Variants in KCNJ12 observed in about 807,000 individuals in gnomAD.
KCNJ12 encodes ATP-sensitive inward rectifier potassium channel 12.
KCNJ12 carries 2 observed loss-of-function variants against 22.3 expected under a neutral mutation model. That is an observed-to-expected ratio of 0.09 (90% CI 0.04 to 0.28). KCNJ12 has a LOEUF of 0.28. Among genes scored for constraint, KCNJ12 ranks in the 10% least tolerant of loss-of-function variants. KCNJ12 has a pLI of 1.00. For missense variants in KCNJ12, 155 were observed against 633.3 expected, an observed-to-expected ratio of 0.24 and a Z score of 8.11; for synonymous variants, 117 against 261.4, an observed-to-expected ratio of 0.45 and a Z score of 5.33.
chr17:21,377,211 C>A (rs1462794789), intron 1 of KCNJ12, among the ~76,000 whole-genome samples: 1 of 152,016 alleles, frequency 6.6e-6, no homozygotes, highest in Non-Finnish European at 1.5e-5. Flanking sequence ...CTTTGAGGAG[C>A]CCTCGGCCCC....
intron 1 of KCNJ12, among the ~76,000 whole-genome samples, chr17:21,395,424 G>A (rs1905323677): frequency 6.6e-6 from 1 of 150,798 alleles, no homozygotes; most frequent in Non-Finnish European, 1.5e-5. Flanking sequence ...GCAAAACCTC[G>A]TCTCTACTAA....
intron 2 of KCNJ12, among the ~76,000 whole-genome samples, 182 bp downstream of exon 2, chr17:21,408,822 C>T (rs868963569): frequency 7.2e-5 from 11 of 152,330 alleles, no homozygotes; most frequent in Non-Finnish European, 1.0e-4. Context: ...TCCATCCCCT[C>T]GCCCATGCCA....
intron 1 of KCNJ12, among the ~76,000 whole-genome samples, chr17:21,379,958 C>T (rs1597550429): frequency 6.6e-6 from 1 of 152,156 alleles, no homozygotes; most frequent in East Asian, 1.9e-4. Flanking sequence ...ATTGTGCAGA[C>T]AGGGATTGGA....
rs1240665777 is a variant in KCNJ12, at chr17:21,418,202, C to A, written c.*1558C>A. On this transcript the variant is annotated 3_prime_UTR_variant, in exon 3 of 3. Coordinates refer to ENST00000583088, the MANE Select transcript of KCNJ12 (RefSeq NM_021012.5). The stretch of plus-strand genomic sequence containing the variant: ...TAGAGCCAGGCCCTTCCCAGGGCTG[C>A]GGAGAAAACCTGCTCTCTTCTAGTC... 1 of 166,890 alleles carries A rather than the reference C, an allele frequency of 6.0e-6. No individual in the cohort carries two copies. The highest frequency in any genetic ancestry group is 2.4e-5 in the African/African-American group (1 of 41,352). 10.3% of individuals were successfully genotyped at this position (166,890 alleles called of 1,614,324 possible). A position where few individuals can be genotyped will look rare whatever the true frequency, so the allele number is the denominator to read the frequency against.
chr17:21,415,186 A>C (rs368914395), intron 2 of KCNJ12, 101 bp from the exon 3 acceptor site: 1 of 1,250,402 alleles, frequency 8.0e-7, no homozygotes, highest in African/African-American at 1.5e-5. Flanking sequence ...TGGGTCAATC[A>C]GGGTGGAAGC....
intron 1 of KCNJ12, among the ~76,000 whole-genome samples, chr17:21,400,845 G>A (rs1905573774): frequency 6.6e-6 from 1 of 152,306 alleles, no homozygotes; most frequent in Non-Finnish European, 1.5e-5. Flanking sequence ...GTGTGATCTA[G>A]TAATTAGCAT....
At chr17:21,390,782 T>C (rs1555559217) in intron 1 of KCNJ12, among the ~76,000 whole-genome samples, 1 of 152,222 alleles carries the variant, frequency 6.6e-6, no homozygotes, top group East Asian at 1.9e-4. Context: ...TGTTTTTTTC[T>C]TGGAGGTGAA....
intron 1 of KCNJ12, among the ~76,000 whole-genome samples, chr17:21,407,750 TCCA>T: frequency 2.6e-5 from 4 of 152,046 alleles, no homozygotes; most frequent in African/African-American, 7.3e-5. Flanking sequence ...CATCCATCCA[TCCA>T]TTCATCCATC....
chr17:21,407,306 A>G (rs1224988999), intron 1 of KCNJ12, among the ~76,000 whole-genome samples: 1 of 152,130 alleles, frequency 6.6e-6, no homozygotes, highest in African/African-American at 2.4e-5. Flanking sequence ...CTGTCCATCT[A>G]TCCACCCATC....
At chr17:21,408,113 G>T (rs1906090165) in intron 1 of KCNJ12, among the ~76,000 whole-genome samples, 1 of 152,308 alleles carries the variant, frequency 6.6e-6, no homozygotes, top group Non-Finnish European at 1.5e-5. Context: ...GGGAGTACAG[G>T]CTGAGGGCCT....
chr17:21,418,142 C>T lies in KCNJ12; in HGVS notation c.*1498C>T, dbSNP rs1232636254. 1 of 167,156 alleles carries T rather than the reference C, an allele frequency of 6.0e-6. No homozygotes were observed. The highest frequency in any genetic ancestry group is 1.5e-5 in the Non-Finnish European group (1 of 68,238). The allele number at this position is 167,156 out of a possible 1,614,324, so 10.4% of individuals were successfully genotyped here. A position where few individuals can be genotyped will look rare whatever the true frequency, so the allele number is the denominator to read the frequency against. ...GTCACTGCTGGCTCTGCCACCCCAT[C>T]TTGTTCATGGCAGCTGGTTGGGTCA... On this transcript the variant is annotated 3_prime_UTR_variant, in exon 3 of 3. Coordinates refer to ENST00000583088, the MANE Select transcript of KCNJ12 (RefSeq NM_021012.5).
chr17:21,383,432 T>C (rs782601767), intron 1 of KCNJ12, among the ~76,000 whole-genome samples: 1 of 152,122 alleles, frequency 6.6e-6, no homozygotes, highest in Non-Finnish European at 1.5e-5. Context: ...GAGCTTGGCG[T>C]GGCCGGAGGG....
At chr17:21,380,700 T>C (rs1555557813) in intron 1 of KCNJ12, among the ~76,000 whole-genome samples, 1 of 152,156 alleles carries the variant, frequency 6.6e-6, no homozygotes, top group Non-Finnish European at 1.5e-5. Flanking sequence ...AGCCAGAGCC[T>C]GGGGAACTCG....
chr17:21,382,109 A>T (rs942765577), intron 1 of KCNJ12, among the ~76,000 whole-genome samples: 13 of 152,160 alleles, frequency 8.5e-5, no homozygotes, highest in Non-Finnish European at 1.3e-4. Flanking sequence ...GCTGAGTGGG[A>T]GGGAGTTGGG....
chr17:21,415,144 G>T (rs1160135230), intron 2 of KCNJ12, 143 bp from the exon 3 acceptor site: 2 of 828,850 alleles, frequency 2.4e-6, no homozygotes, highest in Non-Finnish European at 3.7e-6. Flanking sequence ...GCGGAGTGGG[G>T]AGCTGGCTTG....
Position 21,395,842 on chromosome 17 carries a change from G to C in KCNJ12, c.-178-12677G>C, listed in dbSNP as rs1905345376. Among the ~76,000 whole-genome samples the C allele has an allele frequency of 2.0e-5, 3 of 152,296 alleles. No homozygotes were observed. In the South Asian group the frequency reaches 6.2e-4, roughly 32 times the overall value. On this transcript the variant is annotated intron_variant, in intron 1 of 2. Transcript: ENST00000583088. ...AGGTTGTGCACTGGCCTGGGGAGAG[G>C]GGAAGAGTATTTGGGGTTCAGCTGA...
intron 1 of KCNJ12, among the ~76,000 whole-genome samples, chr17:21,398,792 C>T (rs1259957080): frequency 4.6e-5 from 7 of 152,240 alleles, no homozygotes; most frequent in African/African-American, 1.4e-4. Context: ...AGCAAAGATG[C>T]GTTTACAGAG....
At chr17:21,379,801 G>A (rs925274838) in intron 1 of KCNJ12, among the ~76,000 whole-genome samples, 3 of 152,108 alleles carry the variant, frequency 2.0e-5, no homozygotes, top group Admixed American at 6.5e-5. Context: ...GGGTGGGGGG[G>A]GGCCTGGCAG....
chr17:21,376,568 G>A lies in KCNJ12; in HGVS notation c.-524G>A, dbSNP rs1389303522. ...GAGGTGCGGGGCGCCGGGGCGTAGGGGAGCGCGCCGGGCCCTGCCCGAGAT... is the reference window on the plus strand; with the variant it reads ...GAGGTGCGGGGCGCCGGGGCGTAGGAGAGCGCGCCGGGCCCTGCCCGAGAT... On this transcript the variant is annotated 5_prime_UTR_variant, in exon 1 of 3. Transcript: ENST00000583088. The surrounding 1 kb of genome is among the most constrained non-coding windows in gnomAD (Gnocchi z 5.3). 5.3e-5 allele frequency: 8 copies of A among 151,950 alleles called. No homozygotes were observed. Among genetic ancestry groups the A allele is most frequent in the African/African-American group, 1.9e-4 (8 of 41,392 alleles). 9.4% of individuals were successfully genotyped at this position (151,950 alleles called of 1,614,324 possible). A position where few individuals can be genotyped will look rare whatever the true frequency, so the allele number is the denominator to read the frequency against.
Sources: gnomAD v4.1 joint callset for allele counts (sites outside exome capture counted in the v4.1 genomes callset) on GRCh38, gnomAD v4.1.1 for gene constraint, Gnocchi (gnomAD v3.1) non-coding constraint, MANE v1.5 for transcripts, NCBI Gene and HGNC (gene_info 2026-07-23, HGNC 2026-07-21) for gene names.